The following ACOT12 variants were observed in gnomAD, a reference collection of about 807,000 sequenced individuals.
ACOT12 encodes the protein acetyl-coenzyme A thioesterase.
In ACOT12, 51 loss-of-function variants were observed where a neutral mutation model predicts 67.7. The ratio of observed to expected loss-of-function variants is 0.75; its 90% CI spans 0.60 to 0.95. The LOEUF is 0.95. ACOT12 is among the 40% of genes least tolerant of loss of function. The probability of loss-of-function intolerance (pLI) is 0.00; values close to 1 mark genes in which losing one functional copy is unlikely to be tolerated. For synonymous variants in ACOT12, 251 were observed against 244.6 expected, an observed-to-expected ratio of 1.03 and a Z score of -0.24; for missense variants, 734 against 708.1, an observed-to-expected ratio of 1.04 and a Z score of -0.41.
At chr5:81,369,175 T>G (rs1363372670) in intron 3 of ACOT12, among the ~76,000 whole-genome samples, 1 of 151,672 alleles carries the variant, frequency 6.6e-6, no homozygotes, top group Non-Finnish European at 1.5e-5. Flanking sequence ...AAACTCACAC[T>G]CATATAATGT....
chr5:81,372,417 A>G (rs1358604241), intron 2 of ACOT12, among the ~76,000 whole-genome samples: 2 of 152,046 alleles, frequency 1.3e-5, no homozygotes, highest in Non-Finnish European at 2.9e-5. Flanking sequence ...AGCCCCCTGG[A>G]TTTTTCTTCC....
At chr5:81,373,631 G>A (rs1396220231) in intron 2 of ACOT12, among the ~76,000 whole-genome samples, 1 of 152,178 alleles carries the variant, frequency 6.6e-6, no homozygotes, top group Non-Finnish European at 1.5e-5. Flanking sequence ...TGAAATTCTC[G>A]CTGCCAGCAC....
chr5:81,338,939 G>A (rs1759099118), intron 11 of ACOT12, among the ~76,000 whole-genome samples: 1 of 152,246 alleles, frequency 6.6e-6, no homozygotes, highest in Non-Finnish European at 1.5e-5. Flanking sequence ...AAATTATCCA[G>A]GGGTGGTGGC....
At chr5:81,320,645 A>C in the ACOT12 span, among the ~76,000 whole-genome samples, 1 of 152,060 alleles carries the variant, frequency 6.6e-6, no homozygotes, top group Non-Finnish European at 1.5e-5. Context: ...AATTCAAGGG[A>C]CCAGACTGCA....
intron 2 of ACOT12, 107 bp from the exon 3 acceptor site, chr5:81,371,917 T>C (rs990903636): frequency 4.3e-6 from 4 of 932,408 alleles, no homozygotes; most frequent in African/African-American, 3.3e-5. Flanking sequence ...CACCTTATCA[T>C]GCTGATAATT....
the ACOT12 span, among the ~76,000 whole-genome samples, chr5:81,322,473 A>AT: frequency 6.6e-6 from 1 of 151,240 alleles, no homozygotes; most frequent in Non-Finnish European, 1.5e-5. Context: ...ATAAACAAAA[A>AT]AAAAACCCCA....
intron 11 of ACOT12, among the ~76,000 whole-genome samples, 155 bp downstream of exon 11, chr5:81,342,517 G>C (rs989185859): frequency 2.6e-5 from 4 of 152,158 alleles, no homozygotes; most frequent in Non-Finnish European, 5.9e-5. Context: ...AGCTTGTAGA[G>C]ACAGGGCTGA....
chr5:81,391,913 T>A (rs950666478), intron 1 of ACOT12, among the ~76,000 whole-genome samples: 1 of 152,152 alleles, frequency 6.6e-6, no homozygotes, highest in Non-Finnish European at 1.5e-5. Flanking sequence ...CTCAACTAGA[T>A]GAGTTGGGTG....
intron 6 of ACOT12, among the ~76,000 whole-genome samples, chr5:81,347,282 A>G (rs1759410019): frequency 6.6e-6 from 1 of 152,046 alleles, no homozygotes; most frequent in African/African-American, 2.4e-5. Flanking sequence ...TACACCAGCA[A>G]ATTTTTTTTG....
intron 6 of ACOT12, 147 bp from the exon 7 acceptor site, chr5:81,346,151 G>T: frequency 1.6e-6 from 2 of 1,237,316 alleles, no homozygotes; most frequent in Non-Finnish European, 2.2e-6. Context: ...AGGTCTGCAC[G>T]CTACCTGCCA....
chr5:81,347,714 C>A, intron 6 of ACOT12, 60 bp downstream of exon 6: 1 of 1,570,188 alleles, frequency 6.4e-7, no homozygotes, highest in Non-Finnish European at 8.7e-7. Flanking sequence ...GGATCTCAGT[C>A]CCTTTCTACT....
At position 81,363,789 on chromosome 5, in the gene ACOT12, T is replaced by C. The variant is rs750758522; in HGVS notation, c.359A>G (p.Lys120Arg). The C allele has an allele frequency of 6.2e-7, 1 of 1,607,480 alleles. No individual in the cohort carries two copies. Among genetic ancestry groups the C allele is most frequent in the Non-Finnish European group, 8.5e-7 (1 of 1,177,340 alleles). The change falls in exon 4 of 15, where the codon AAG becomes AGG. Residue 120 changes from lysine to arginine, a missense_variant and splice_region_variant. Transcript: ENST00000307624. ...TFVAKPVGKE[K>R]IHLKPVTLLT... ...TACATCTTCACATACAAAATTTACC[T>C]TTTCTTTTCCAACTGGTTTGGCTAC...
rs74780495 is a variant in ACOT12 at position 81,342,474 on chromosome 5, T to C, written c.1128+198A>G. Among the ~76,000 whole-genome samples, 1,004 of 152,200 alleles carry C rather than the reference T, an allele frequency of 6.6e-3. 12 individuals carry two copies. Among genetic ancestry groups the C allele is most frequent in the African/African-American group, 0.023 (949 of 41,518 alleles). ...GAACCTAAGCTCAGAGGTAGGAGCA[T>C]GTTGGGTATATTTGAAGGACTCCAA... On this transcript the variant is annotated intron_variant, in intron 11 of 14. Transcript: ENST00000307624.
At chr5:81,378,533 A>C (rs533808268) in intron 2 of ACOT12, among the ~76,000 whole-genome samples, 1 of 152,330 alleles carries the variant, frequency 6.6e-6, no homozygotes, top group South Asian at 2.1e-4. Context: ...AGAAACTATC[A>C]TCAGACTGAA....
At chr5:81,385,872 A>C (rs774667146) in intron 1 of ACOT12, 46 bp from the exon 2 acceptor site, 2 of 1,552,012 alleles carry the variant, frequency 1.3e-6, no homozygotes, top group Non-Finnish European at 1.8e-6. Context: ...GTGATATGAG[A>C]ATATTTCAGT....
At chr5:81,322,887 C>T in the ACOT12 span, among the ~76,000 whole-genome samples, 43 of 151,994 alleles carry the variant, frequency 2.8e-4, no homozygotes, top group Middle Eastern at 3.4e-3. Context: ...GAGAACAGCA[C>T]GGGAGAATTC....
At chr5:81,334,346 G>T in intron 12 of ACOT12, among the ~76,000 whole-genome samples, 1 of 152,260 alleles carries the variant, frequency 6.6e-6, no homozygotes, top group East Asian at 1.9e-4. Context: ...CACACCCACC[G>T]GGGCTTCAGA....
intron 2 of ACOT12, among the ~76,000 whole-genome samples, chr5:81,383,747 AT>A (rs1365345901): frequency 2.0e-5 from 3 of 152,048 alleles, no homozygotes; most frequent in Admixed American, 2.0e-4. Context: ...AAAAAAAAAA[AT>A]AACAAATTTT....
At chr5:81,376,637 TA>T (rs1760424657) in intron 2 of ACOT12, among the ~76,000 whole-genome samples, 2 of 151,690 alleles carry the variant, frequency 1.3e-5, no homozygotes, top group Non-Finnish European at 2.9e-5. Flanking sequence ...ATAGACACAA[TA>T]AAAAATGATA....
Sources: gnomAD v4.1 joint callset for allele counts (sites outside exome capture counted in the v4.1 genomes callset) on GRCh38, gnomAD v4.1.1 for gene constraint, MANE v1.5 for transcripts, NCBI Gene and HGNC (gene_info 2026-07-23, HGNC 2026-07-21) for gene names.